Variants in SNTA1 observed in about 807,000 individuals in gnomAD.
SNTA1 encodes syntrophin alpha 1.
A neutral mutation model predicts 47.1 loss-of-function variants in SNTA1; 31 were observed. That is an observed-to-expected ratio of 0.66 (90% CI 0.49 to 0.89). SNTA1 has a LOEUF of 0.89. Ranked by LOEUF, SNTA1 falls within the 40% of genes least tolerant of loss-of-function variation. The pLI is 0.00. For synonymous variants in SNTA1, 300 were observed against 313.6 expected (o/e 0.96, Z 0.46); for missense variants, 575 against 693.0 (o/e 0.83, Z 1.91).
intron 5 of SNTA1, 64 bp from the exon 6 acceptor site, chr20:33,410,395 A>G (rs1264376279): frequency 9.2e-7 from 1 of 1,081,792 alleles, no homozygotes; most frequent in African/African-American, 1.6e-5. Flanking sequence ...GTTCTGGGCA[A>G]AGGGGCCAGT....
chr20:33,412,765 G>T lies in SNTA1; in HGVS notation c.719C>A (p.Ser240Ter). The change falls in exon 4 of 8, where the codon TCG (serine) becomes TAG (stop). Residue 240 changes from serine to a stop codon, truncating the protein, a stop_gained. Coordinates refer to ENST00000217381, the MANE Select transcript of SNTA1 (RefSeq NM_003098.3). LOFTEE classifies it high-confidence loss of function. ...DPEPRYLEIC[S>*]ADGQDTLFLR... ...GAAGAGGGTGTCTTGACCATCTGCC[G>T]AGCAGATCTCCAGATACCTGCAGGC... 6.2e-7 allele frequency: 1 copy of T among 1,610,628 alleles called. No homozygotes were observed. The highest frequency in any genetic ancestry group is 1.1e-5 in the South Asian group (1 of 90,646).
chr20:33,409,716 C>T (rs1161003310), intron 6 of SNTA1, among the ~76,000 whole-genome samples: 1 of 152,144 alleles, frequency 6.6e-6, no homozygotes, highest in Non-Finnish European at 1.5e-5. Context: ...CCACTACAAC[C>T]TCCACCTCCC....
chr20:33,413,990 G>A (rs1989811164), intron 3 of SNTA1, among the ~76,000 whole-genome samples: 1 of 152,028 alleles, frequency 6.6e-6, no homozygotes, highest in South Asian at 2.1e-4. Context: ...TGTAATCCCA[G>A]CACTTTGGGA....
intron 1 of SNTA1, among the ~76,000 whole-genome samples, chr20:33,441,689 C>T (rs150687021): frequency 1.7e-3 from 263 of 152,236 alleles, no homozygotes; most frequent in African/African-American, 6.1e-3. Flanking sequence ...ATGGAAATAC[C>T]TGAAGTCTCC....
In SNTA1 at chr20:33,417,580, G is replaced by A. The variant is rs925065746; in HGVS notation, c.701+139C>T. The A allele has an allele frequency of 1.0e-5, 7 of 689,376 alleles. No individual in the cohort carries two copies. The Admixed American group carries it at 1.2e-4, about 12-fold the overall frequency. 42.7% of individuals were successfully genotyped at this position (689,376 alleles called of 1,614,324 possible). On this transcript the variant is annotated intron_variant, in intron 3 of 7. Transcript: ENST00000217381. ...CTCCATGGCTTCACTCAGGCTTCCA[G>A]TCAATCTATTTTTTAAGCACCTACT...
chr20:33,408,861 C>T lies in SNTA1; in HGVS notation c.1265G>A (p.Ser422Asn). The T allele has an allele frequency of 6.2e-7, 1 of 1,614,156 alleles. No individual in the cohort carries two copies. Among genetic ancestry groups the T allele is most frequent in the Non-Finnish European group, 8.5e-7 (1 of 1,180,028 alleles). ...TACTWNGRPC[S>N]LSVHIDKGFT... ...GCCCTTGTCGATGTGCACAGACAGG[C>T]TGCAGGGACGCCCATTCCACGTGCA... Residue 422 changes from serine to asparagine, a missense_variant, in exon 7 of 8, where the codon AGC becomes AAC. Ser to Asn is a conservative substitution (Grantham distance 46). Transcript: ENST00000217381.
intron 2 of SNTA1, among the ~76,000 whole-genome samples, chr20:33,438,636 T>C (rs1990501032): frequency 6.6e-6 from 1 of 152,094 alleles, no homozygotes; most frequent in Non-Finnish European, 1.5e-5. Context: ...AAAATGCAAA[T>C]CAGGTCTGCT....
chr20:33,439,848 G>A lies in SNTA1; in HGVS notation c.311-822C>T, dbSNP rs111917846. On this transcript the variant is annotated intron_variant, in intron 1 of 7. Coordinates refer to ENST00000217381, the MANE Select transcript of SNTA1 (RefSeq NM_003098.3). ...AAAAACACAAAAAAGGGCCAGGTGC[G>A]GTGGCTTATGCCTGTAATCCCAGCA... Among the ~76,000 whole-genome samples the A allele has an allele frequency of 4.5e-3, 678 of 152,090 alleles. 3 individuals are homozygous for A. The highest frequency in any genetic ancestry group is 0.017 in the Middle Eastern group (5 of 294).
Position 33,440,458 on chromosome 20 carries a change from AAAAT to A in SNTA1, c.311-1436_311-1433del, listed in dbSNP as rs142458129. Among the ~76,000 whole-genome samples, 1,020 of 151,980 alleles carry A rather than the reference AAAAT, an allele frequency of 6.7e-3. 9 individuals are homozygous for A. The highest frequency in any genetic ancestry group is 0.037 in the Middle Eastern group (11 of 294). On this transcript the variant is annotated intron_variant, in intron 1 of 7. Transcript: ENST00000217381. ...CAATAAGAGCGAAACTCCATCTCAA[AAAAT>A]AAATAAATAAATAAATAAATACAAA...
intron 2 of SNTA1, among the ~76,000 whole-genome samples, chr20:33,420,894 G>T (rs535677595): frequency 2.0e-5 from 3 of 151,750 alleles, no homozygotes; most frequent in African/African-American, 7.3e-5. Context: ...TGAGGCAGGA[G>T]AATTGCTTGA....
intron 2 of SNTA1, among the ~76,000 whole-genome samples, chr20:33,428,705 G>A (rs1351090238): frequency 6.6e-6 from 1 of 152,002 alleles, no homozygotes; most frequent in Non-Finnish European, 1.5e-5. Context: ...CTCCTGAGTA[G>A]CTGGGATTAC....
At chr20:33,414,198 A>ATT (rs1373190558) in intron 3 of SNTA1, among the ~76,000 whole-genome samples, 1 of 136,344 alleles carries the variant, frequency 7.3e-6, no homozygotes, top group Non-Finnish European at 1.5e-5. Context: ...AGATCGTGCC[A>ATT]TTGCACTCCA....
chr20:33,442,269 G>A (rs180775641), intron 1 of SNTA1, among the ~76,000 whole-genome samples: 3 of 152,256 alleles, frequency 2.0e-5, no homozygotes, highest in Admixed American at 2.0e-4. Context: ...ACGGTCTGGA[G>A]GCACTAGTCA....
chr20:33,408,441 CG>C lies in SNTA1; in HGVS notation c.*65del. 8.6e-7 allele frequency: 1 copy of C among 1,160,110 alleles called. No homozygotes were observed. Among genetic ancestry groups the C allele is most frequent in the Non-Finnish European group, 1.3e-6 (1 of 771,782 alleles). The allele number at this position is 1,160,110 out of a possible 1,614,324, so 71.9% of individuals were successfully genotyped here. A position where few individuals can be genotyped will look rare whatever the true frequency, so the allele number is the denominator to read the frequency against. On this transcript the variant is annotated 3_prime_UTR_variant, in exon 8 of 8. Coordinates refer to ENST00000217381, the MANE Select transcript of SNTA1 (RefSeq NM_003098.3). ...CTCAGCCCAGGGGTGAGCAGGCAGT[CG>C]GTGGAGGCCCAGCTCAGGCCATGTC...
chr20:33,414,264 A>G (rs1170618302), intron 3 of SNTA1, among the ~76,000 whole-genome samples: 1 of 147,832 alleles, frequency 6.8e-6, no homozygotes, highest in Non-Finnish European at 1.5e-5. Context: ...AAAAAAAAAA[A>G]AAAAAAAACA....
chr20:33,441,858 A>AAT (rs1990586690), intron 1 of SNTA1, among the ~76,000 whole-genome samples: 2 of 152,130 alleles, frequency 1.3e-5, no homozygotes, highest in Non-Finnish European at 1.5e-5. Context: ...TGAGTGTATA[A>AAT]TTTTTGGATT....
At position 33,412,675 on chromosome 20, in the gene SNTA1, G is replaced by A. The variant is rs754989824; in HGVS notation, c.809C>T (p.Thr270Ile). ...WATAIQAQVN[T>I]LTPRVKDELQ... ...CTCATCCTTGACCCGCGGCGTCAGA[G>A]TATTGACCTGGGCTTGGATGGCAGT... is the stretch of plus-strand genomic sequence containing the variant. Residue 270 changes from threonine to isoleucine, a missense_variant, in exon 4 of 8, where the codon ACT (threonine) becomes ATT (isoleucine). Thr to Ile is a moderately conservative substitution (Grantham distance 89). Coordinates refer to ENST00000217381, the MANE Select transcript of SNTA1 (RefSeq NM_003098.3). 18 of 1,613,924 alleles carry A rather than the reference G, an allele frequency of 1.1e-5. No homozygotes were observed. Among genetic ancestry groups the A allele is most frequent in the Non-Finnish European group, 1.4e-5 (17 of 1,180,024 alleles).
rs1315287232 is a variant in SNTA1, at chr20:33,410,299, A to G, written c.1073T>C (p.Val358Ala). 1 of 1,610,212 alleles carries G rather than the reference A, an allele frequency of 6.2e-7. No individual in the cohort carries two copies. Among genetic ancestry groups the G allele is most frequent in the African/African-American group, 1.3e-5 (1 of 74,960 alleles). The change falls in exon 6 of 8, where the codon GTG becomes GCG. Residue 358 changes from valine to alanine, a missense_variant. Transcript: ENST00000217381. ...LVHSGPSKGS[V>A]PYDAELSFAL... ...AAAAGAGAGCTCTGCATCGTAGGGC[A>G]CTGAGCCCTTGGAGGGGCCTGAGTG...
At chr20:33,427,435 C>T (rs1990194923) in intron 2 of SNTA1, among the ~76,000 whole-genome samples, 1 of 152,052 alleles carries the variant, frequency 6.6e-6, no homozygotes, top group South Asian at 2.1e-4. Context: ...TCCAACAGGC[C>T]CTGGAAGGGA....
Sources: allele counts gnomAD v4.1 joint callset (sites outside exome capture counted in the v4.1 genomes callset), GRCh38; gene constraint gnomAD v4.1.1; transcripts MANE v1.5; gene names NCBI Gene and HGNC (gene_info 2026-07-23, HGNC 2026-07-21).